Variants in GABRB3 observed in about 807,000 individuals in gnomAD.
The protein encoded by GABRB3 is gamma-aminobutyric acid receptor subunit beta-3.
A neutral mutation model predicts 52.1 loss-of-function variants in GABRB3; 14 were observed. The ratio of observed to expected loss-of-function variants is 0.27; its 90% CI spans 0.18 to 0.42. GABRB3 has a LOEUF of 0.42. Ranked by LOEUF, GABRB3 falls within the 10% of genes least tolerant of loss-of-function variation. The probability of loss-of-function intolerance (pLI) is 1.00; values close to 1 mark genes in which losing one functional copy is unlikely to be tolerated. For synonymous variants in GABRB3, 260 were observed against 232.3 expected (o/e 1.12, Z -1.08); for missense variants, 307 against 609.1 (o/e 0.50, Z 5.22).
intron 3 of GABRB3, among the ~76,000 whole-genome samples, chr15:26,649,853 T>C (rs147935216): frequency 2.0e-5 from 3 of 152,164 alleles, no homozygotes; most frequent in African/African-American, 7.2e-5. Context: ...GATCATGAGT[T>C]TTTAATTTCA....
chr15:26,691,760 C>A (rs1888596768), intron 3 of GABRB3, among the ~76,000 whole-genome samples: 1 of 151,870 alleles, frequency 6.6e-6, no homozygotes, highest in Admixed American at 6.6e-5. Context: ...AAATTCTCAA[C>A]AAGTTGAGAA....
intron 3 of GABRB3, chr15:26,772,136 G>C: frequency 2.6e-6 from 1 of 387,390 alleles, no homozygotes; most frequent in Admixed American, 4.9e-5. Context: ...ACGGGCAGCG[G>C]CAGATGGGAG....
intron 4 of GABRB3, among the ~76,000 whole-genome samples, chr15:26,594,578 T>C (rs927688318): frequency 6.6e-6 from 1 of 152,186 alleles, no homozygotes; most frequent in African/African-American, 2.4e-5. Context: ...TCACTGTAGC[T>C]TCAAACACCT....
At chr15:26,664,833 T>C (rs1293635256) in intron 3 of GABRB3, among the ~76,000 whole-genome samples, 3 of 150,738 alleles carry the variant, frequency 2.0e-5, no homozygotes, top group African/African-American at 7.3e-5. Flanking sequence ...CCCAAGTAGC[T>C]GGGGTTACAG....
intron 3 of GABRB3, among the ~76,000 whole-genome samples, chr15:26,739,037 A>G (rs185337468): frequency 3.2e-4 from 49 of 152,250 alleles, no homozygotes; most frequent in African/African-American, 1.1e-3. Flanking sequence ...ATAAATTGCA[A>G]AGATAGGAGC....
chr15:26,653,554 T>C (rs1887267024), intron 3 of GABRB3, among the ~76,000 whole-genome samples: 2 of 152,288 alleles, frequency 1.3e-5, no homozygotes, highest in South Asian at 4.2e-4. Flanking sequence ...GACTCTGAGT[T>C]TTCAGGGAGA....
intron 3 of GABRB3, among the ~76,000 whole-genome samples, chr15:26,668,257 A>G (rs560371738): frequency 1.3e-3 from 192 of 152,344 alleles, no homozygotes; most frequent in African/African-American, 4.4e-3. Flanking sequence ...TAGCAAAGTA[A>G]ATTGGAATTA....
At chr15:26,668,661 C>G (rs542846227) in intron 3 of GABRB3, among the ~76,000 whole-genome samples, 9 of 152,246 alleles carry the variant, frequency 5.9e-5, no homozygotes, top group Admixed American at 1.3e-4. Context: ...AATGTGTACT[C>G]CACAAAATAA....
At chr15:26,674,067 T>C (rs879270588) in intron 3 of GABRB3, among the ~76,000 whole-genome samples, 426 of 136,150 alleles carry the variant, frequency 3.1e-3, no homozygotes, top group East Asian at 4.4e-3. Flanking sequence ...AACCCCCCCC[T>C]TTTTTTTTTT....
At chr15:26,670,241 G>A (rs1887848926) in intron 3 of GABRB3, among the ~76,000 whole-genome samples, 1 of 152,200 alleles carries the variant, frequency 6.6e-6, no homozygotes, top group Admixed American at 6.5e-5. Context: ...GAGATGTGCA[G>A]GATGCTCCAG....
intron 3 of GABRB3, among the ~76,000 whole-genome samples, chr15:26,668,533 A>G (rs1263498822): frequency 1.4e-5 from 2 of 139,128 alleles, no homozygotes; most frequent in African/African-American, 2.4e-5. Context: ...GATGTCATTT[A>G]TGTGTTTTTT....
Position 26,547,264 on chromosome 15 carries a change from TGAAC to T in GABRB3, c.*525_*528del, listed in dbSNP as rs768966923. 3 of 347,290 alleles carry T rather than the reference TGAAC, an allele frequency of 8.6e-6. No homozygotes were observed. Among genetic ancestry groups the T allele is most frequent in the Non-Finnish European group, 1.5e-5 (3 of 194,360 alleles). The allele number at this position is 347,290 out of a possible 1,614,324, so 21.5% of individuals were successfully genotyped here. ...GCCAAGAAGCCTTTGCTTACTAAAC[TGAAC>T]GAGAGGATATGAAGTAAGTGACTCA... On this transcript the variant is annotated 3_prime_UTR_variant, in exon 9 of 9. Transcript: ENST00000311550.
chr15:26,594,920 G>C (rs1235012634), intron 4 of GABRB3, among the ~76,000 whole-genome samples: 1 of 152,232 alleles, frequency 6.6e-6, no homozygotes, highest in Non-Finnish European at 1.5e-5. Context: ...TTTGCAGACT[G>C]CCTATGTGCT....
intron 3 of GABRB3, among the ~76,000 whole-genome samples, chr15:26,740,099 A>G (rs1197955026): frequency 6.6e-6 from 1 of 152,240 alleles, no homozygotes; most frequent in Non-Finnish European, 1.5e-5. Context: ...TGAAACAACA[A>G]TCGGCAGCTT....
At chr15:26,637,794 C>T (rs910837470) in intron 3 of GABRB3, among the ~76,000 whole-genome samples, 2 of 152,100 alleles carry the variant, frequency 1.3e-5, no homozygotes, top group East Asian at 3.9e-4. Context: ...TGATAGTTGG[C>T]GACCATTGTC....
At chr15:26,580,503 A>C (rs772958188) in intron 5 of GABRB3, 47 bp from the exon 6 acceptor site, 19 of 1,612,176 alleles carry the variant, frequency 1.2e-5, no homozygotes, top group Non-Finnish European at 1.6e-5. Flanking sequence ...CATTTCGTAT[A>C]AATGCACGGC....
chr15:26,566,335 G>A (rs1241128031), intron 7 of GABRB3, among the ~76,000 whole-genome samples: 1 of 152,016 alleles, frequency 6.6e-6, no homozygotes, highest in Non-Finnish European at 1.5e-5. Flanking sequence ...TTACAACTAT[G>A]CAAGTCACAT....
intron 3 of GABRB3, among the ~76,000 whole-genome samples, chr15:26,667,764 G>C (rs1887761470): frequency 6.6e-6 from 1 of 152,136 alleles, no homozygotes; most frequent in South Asian, 2.1e-4. Flanking sequence ...TCCCAGACCA[G>C]TTTATTCAGA....
intron 3 of GABRB3, among the ~76,000 whole-genome samples, chr15:26,630,035 G>T (rs1595497824): frequency 6.6e-6 from 1 of 151,588 alleles, no homozygotes; most frequent in Non-Finnish European, 1.5e-5. Context: ...AACCCTCCAC[G>T]ACCTCTGCCA....
Sources: allele counts gnomAD v4.1 joint callset (sites outside exome capture counted in the v4.1 genomes callset), GRCh38; gene constraint gnomAD v4.1.1; transcripts MANE v1.5; gene names NCBI Gene and HGNC (gene_info 2026-07-23, HGNC 2026-07-21).